Variants in RNF157 observed in about 807,000 individuals in gnomAD.
The protein encoded by RNF157 is ring finger protein 157.
RNF157 carries 55 observed loss-of-function variants against 88.3 expected under a neutral mutation model. That is an observed-to-expected ratio of 0.62 (90% CI 0.50 to 0.78). The LOEUF is 0.78. Among genes scored for constraint, RNF157 ranks in the 30% least tolerant of loss-of-function variants. The pLI is 0.00. For missense variants in RNF157, 788 were observed against 860.8 expected (o/e 0.92, Z 1.06); for synonymous variants, 334 against 341.2 (o/e 0.98, Z 0.23).
intron 16 of RNF157, chr17:76,154,788 C>A (rs913580254): frequency 1.7e-5 from 4 of 233,812 alleles, no homozygotes; most frequent in Non-Finnish European, 3.3e-5. Context: ...ATGGTCAGGG[C>A]ACGTCTCACA....
intron 1 of RNF157, 105 bp from the exon 2 acceptor site, chr17:76,212,587 C>A: frequency 1.4e-6 from 1 of 708,622 alleles, no homozygotes; most frequent in South Asian, 1.7e-5. Context: ...TTGGGCTGTG[C>A]GTGGTGGCTC....
In RNF157 at chr17:76,145,208, G is replaced by A. The variant is rs747071000; in HGVS notation, c.*27C>T. The stretch of plus-strand genomic sequence containing the variant: ...AGGATGGATGGAATGCAGGGCAGGA[G>A]GGGAGCCCAAGTGCAGAGGCTGGGG... On this transcript the variant is annotated 3_prime_UTR_variant, in exon 19 of 19. Coordinates refer to ENST00000269391, the MANE Select transcript of RNF157 (RefSeq NM_052916.3). 3 of 1,451,104 alleles carry A rather than the reference G, an allele frequency of 2.1e-6. No individual in the cohort carries two copies. In the Admixed American group the frequency reaches 5.2e-5, roughly 25 times the overall value. 89.9% of individuals were successfully genotyped at this position (1,451,104 alleles called of 1,614,324 possible).
intron 1 of RNF157, among the ~76,000 whole-genome samples, chr17:76,220,160 T>G (rs1220708656): frequency 2.6e-5 from 4 of 151,988 alleles, no homozygotes; most frequent in Non-Finnish European, 4.4e-5. Flanking sequence ...AAGGGCTCTT[T>G]GGAGGCCACA....
chr17:76,161,829 G>A lies in RNF157; in HGVS notation c.952+14C>T, dbSNP rs201569768. 277 of 1,611,896 alleles carry A rather than the reference G, an allele frequency of 1.7e-4. 1 individual carries two copies. Among genetic ancestry groups the A allele is most frequent in the Non-Finnish European group, 2.2e-4 (261 of 1,178,472 alleles). On this transcript the variant is annotated intron_variant, in intron 10 of 18. Transcript: ENST00000269391. The surrounding 1 kb of genome is among the most constrained non-coding windows in gnomAD (Gnocchi z 4.6). ...TCTCCCACCCACCAGTCCCCCTGCCGCTCTGGGGCTTACGCAGTCGGCAGA... is the reference window on the plus strand; with the variant it reads ...TCTCCCACCCACCAGTCCCCCTGCCACTCTGGGGCTTACGCAGTCGGCAGA...
chr17:76,158,365 C>T (rs771677613), intron 13 of RNF157, 28 bp downstream of exon 13: 52 of 1,498,946 alleles, frequency 3.5e-5, no homozygotes, highest in Non-Finnish European at 4.8e-5. Context: ...AGTACAACAC[C>T]CAAGAAGAGG....
At chr17:76,186,858 T>C (rs1298278850) in intron 2 of RNF157, among the ~76,000 whole-genome samples, 1 of 151,884 alleles carries the variant, frequency 6.6e-6, no homozygotes, top group Non-Finnish European at 1.5e-5. Context: ...GAGAATTGCC[T>C]GAACCCAGGA....
At chr17:76,212,515 G>T in intron 1 of RNF157, 33 bp from the exon 2 acceptor site, 1 of 1,292,958 alleles carries the variant, frequency 7.7e-7, no homozygotes, top group Non-Finnish European at 1.1e-6. Flanking sequence ...AATCAAACAA[G>T]CAGAAAACAG....
At position 76,165,382 on chromosome 17, in the gene RNF157, T is replaced by C. The variant is rs79398395; in HGVS notation, c.672+120A>G. 390 of 965,912 alleles carry C rather than the reference T, an allele frequency of 4.0e-4. 1 individual carries two copies. Among genetic ancestry groups the C allele is most frequent in the African/African-American group, 3.9e-3 (245 of 62,174 alleles). The allele number at this position is 965,912 out of a possible 1,614,324, so 59.8% of individuals were successfully genotyped here. On this transcript the variant is annotated intron_variant, in intron 7 of 18. Coordinates refer to ENST00000269391, the MANE Select transcript of RNF157 (RefSeq NM_052916.3). The stretch of plus-strand genomic sequence containing the variant: ...AGCTCACTGCAACCTCTTTCACCAT[T>C]ATAGCCTCTAAAGCCAGACCCATTC...
chr17:76,200,249 A>G (rs1225015062), intron 2 of RNF157, among the ~76,000 whole-genome samples: 1 of 152,132 alleles, frequency 6.6e-6, no homozygotes, highest in Non-Finnish European at 1.5e-5. Context: ...CTTGTCAAAA[A>G]AAAAAACAAA....
chr17:76,175,667 G>C (rs2144887106), intron 2 of RNF157: 2 of 651,214 alleles, frequency 3.1e-6, no homozygotes, highest in African/African-American at 4.0e-5. Flanking sequence ...AAATGACTTT[G>C]GGATTAAAAT....
At chr17:76,212,513 A>C in intron 1 of RNF157, 31 bp from the exon 2 acceptor site, 7 of 1,377,898 alleles carry the variant, frequency 5.1e-6, no homozygotes, top group Non-Finnish European at 7.2e-6. Context: ...AAAATCAAAC[A>C]AGCAGAAAAC....
intron 1 of RNF157, among the ~76,000 whole-genome samples, chr17:76,230,645 C>T (rs1420402737): frequency 6.6e-6 from 1 of 151,972 alleles, no homozygotes; most frequent in African/African-American, 2.4e-5. Flanking sequence ...TGAGACCAGC[C>T]TGACCAACAT....
intron 17 of RNF157, 81 bp downstream of exon 17, chr17:76,154,202 G>T: frequency 2.0e-6 from 2 of 1,016,030 alleles, no homozygotes; most frequent in Non-Finnish European, 1.6e-6. Flanking sequence ...ACGTCATACC[G>T]GTACCCTTTT....
At chr17:76,229,637 G>A (rs1438386751) in intron 1 of RNF157, among the ~76,000 whole-genome samples, 5 of 152,176 alleles carry the variant, frequency 3.3e-5, no homozygotes, top group African/African-American at 2.4e-5. Context: ...TCTTCTGGAA[G>A]GAGGAGGAAT....
At chr17:76,179,610 T>C (rs1205871021) in intron 2 of RNF157, among the ~76,000 whole-genome samples, 2 of 151,994 alleles carry the variant, frequency 1.3e-5, no homozygotes, top group African/African-American at 2.4e-5. Context: ...GAAGAATTGT[T>C]TGAACCCAGG....
intron 1 of RNF157, among the ~76,000 whole-genome samples, chr17:76,224,049 G>A (rs1033732214): frequency 6.6e-6 from 1 of 152,138 alleles, no homozygotes; most frequent in East Asian, 1.9e-4. Flanking sequence ...GCAATGCAAA[G>A]GGAACTTGCA....
At chr17:76,175,300 T>C (rs189563540) in intron 2 of RNF157, among the ~76,000 whole-genome samples, 1 of 152,356 alleles carries the variant, frequency 6.6e-6, no homozygotes, top group African/African-American at 2.4e-5. Flanking sequence ...GTGGTGAATA[T>C]CCTTGTCCCT....
intron 8 of RNF157, chr17:76,163,910 T>C (rs991103753): frequency 6.6e-6 from 1 of 152,230 alleles, no homozygotes; most frequent in African/African-American, 2.4e-5. Flanking sequence ...AGTGATTATA[T>C]TGGAAAACTA....
At chr17:76,156,439 G>T in intron 13 of RNF157, 118 bp from the exon 14 acceptor site, 1 of 1,509,628 alleles carries the variant, frequency 6.6e-7, no homozygotes, top group Non-Finnish European at 8.8e-7. Context: ...CACTGGGAGG[G>T]ACTGAGTGGC....
Sources: gnomAD v4.1 joint callset for allele counts (sites outside exome capture counted in the v4.1 genomes callset) on GRCh38, gnomAD v4.1.1 for gene constraint, Gnocchi (gnomAD v3.1) non-coding constraint, MANE v1.5 for transcripts, NCBI Gene and HGNC (gene_info 2026-07-23, HGNC 2026-07-21) for gene names.